CACNA1S: variants seen among roughly 807,000 people sequenced by gnomAD.
CACNA1S encodes the protein voltage-dependent L-type calcium channel subunit alpha-1S.
Under a neutral mutation model 207.4 loss-of-function variants are expected in CACNA1S, and 126 were observed. The ratio of observed to expected loss-of-function variants is 0.61; its 90% confidence interval spans 0.53 to 0.70. CACNA1S has a LOEUF of 0.70. Among genes scored for constraint, CACNA1S ranks in the 30% least tolerant of loss-of-function variants. The pLI is 0.00. For synonymous variants in CACNA1S, 960 were observed against 932.7 expected, an observed-to-expected ratio of 1.03 and a Z score of -0.53; for missense variants, 2,349 against 2,422.8, an observed-to-expected ratio of 0.97 and a Z score of 0.64.
At chr1:201,102,139 G>A (rs1305651610) in intron 2 of CACNA1S, among the ~76,000 whole-genome samples, 3 of 152,200 alleles carry the variant, frequency 2.0e-5, no homozygotes, top group Admixed American at 6.5e-5. Flanking sequence ...GCTGGATACA[G>A]CACAGGGTGG....
intron 38 of CACNA1S, among the ~76,000 whole-genome samples, 165 bp downstream of exon 38, chr1:201,046,950 A>G (rs370182175): frequency 3.9e-5 from 6 of 152,266 alleles, no homozygotes; most frequent in African/African-American, 1.2e-4. Flanking sequence ...AACATCTTCA[A>G]TCATGGACTA....
At chr1:201,105,347 C>A (rs1662838604) in intron 2 of CACNA1S, among the ~76,000 whole-genome samples, 2 of 152,186 alleles carry the variant, frequency 1.3e-5, no homozygotes, top group African/African-American at 4.8e-5. Context: ...TAAAGCACTA[C>A]AACTTAGAAG....
Position 201,091,761 on chromosome 1 carries a change from C to T in CACNA1S, c.573G>A (p.Lys191=). Residue 191 remains lysine, a synonymous_variant, in exon 5 of 44, where the codon AAG becomes AAA. Coordinates refer to ENST00000362061, the MANE Select transcript of CACNA1S (RefSeq NM_000069.3). ...CGATGTGAAAGAGGGGGAGCATGGC[C>T]TTGAAGATGGAGTTCAGGACCACCT... The part of the protein sequence containing the change: ...SLQVVLNSIF[K]AMLPLFHIAL... The T allele has an allele frequency of 6.2e-7, 1 of 1,614,118 alleles. No individual in the cohort carries two copies. The highest frequency in any genetic ancestry group is 8.5e-7 in the Non-Finnish European group (1 of 1,179,972).
intron 16 of CACNA1S, 142 bp from the exon 17 acceptor site, chr1:201,070,546 C>G (rs927058257): frequency 2.8e-6 from 3 of 1,072,458 alleles, no homozygotes; most frequent in Non-Finnish European, 4.2e-6. Flanking sequence ...AGGGCTTTGG[C>G]AGAGTCCAGC....
intron 7 of CACNA1S, 79 bp downstream of exon 7, chr1:201,087,747 C>T (rs116072955): frequency 2.1e-6 from 2 of 965,640 alleles, no homozygotes; most frequent in African/African-American, 1.6e-5. Context: ...TTTCTTTTCC[C>T]TCCGTTCCTT....
intron 9 of CACNA1S, among the ~76,000 whole-genome samples, chr1:201,084,596 T>C (rs1175592432): frequency 6.6e-6 from 1 of 152,178 alleles, no homozygotes; most frequent in East Asian, 1.9e-4. Context: ...CTGTGTACAC[T>C]TTCCCTCTTC....
intron 19 of CACNA1S, 96 bp downstream of exon 19, chr1:201,069,041 T>A (rs1661355286): frequency 9.0e-7 from 1 of 1,116,274 alleles, no homozygotes; most frequent in Admixed American, 1.7e-5. Context: ...CTCCACCTCT[T>A]TTCTGCTTCT....
chr1:201,077,998 G>C lies in CACNA1S; in HGVS notation c.1500C>G (p.Asp500Glu), dbSNP rs750591211. ...QYFMSIFNRF[D>E]CFVVCSGILE... ...GGATACCGCTACACACCACGAAGCA[G>C]TCGAAGCGGTTGAAGATAGACATGA... is the stretch of plus-strand genomic sequence containing the variant. Residue 500 changes from aspartate (D) to glutamate (E), a missense_variant, in exon 11 of 44, where the codon GAC becomes GAG. Coordinates refer to ENST00000362061, the MANE Select transcript of CACNA1S (RefSeq NM_000069.3). The C allele has an allele frequency of 2.5e-6, 4 of 1,614,188 alleles. No individual in the cohort carries two copies. The highest frequency in any genetic ancestry group is 3.4e-6 in the Non-Finnish European group (4 of 1,179,982).
Position 201,044,463 on chromosome 1 carries a change from A to G in CACNA1S, c.4669-7T>C, listed in dbSNP as rs779069688. 6.2e-7 allele frequency: 1 copy of G among 1,611,226 alleles called. No individual in the cohort carries two copies. Among genetic ancestry groups the G allele is most frequent in the Non-Finnish European group, 8.5e-7 (1 of 1,179,422 alleles). Reference sequence around the variant, plus strand: ...CAATGGTCCGCAGCCCTGCCTGGGGATGACGAAGGGACTCAGTTATCTCTC... The same window carrying G: ...CAATGGTCCGCAGCCCTGCCTGGGGGTGACGAAGGGACTCAGTTATCTCTC... On this transcript the variant is annotated splice_polypyrimidine_tract_variant and splice_region_variant and intron_variant, in intron 38 of 43. Transcript: ENST00000362061.
rs563795648 is a variant in CACNA1S, at chr1:201,051,072, G to A, written c.4025C>T (p.Ser1342Leu). 9 of 1,614,206 alleles carry A rather than the reference G, an allele frequency of 5.6e-6. No homozygotes were observed. The highest frequency in any genetic ancestry group is 3.3e-5 in the Admixed American group (2 of 60,026). Residue 1342 changes from serine (S) to leucine (L), a missense_variant, in exon 33 of 44, where the codon TCG (serine) becomes TTG (leucine). Transcript: ENST00000362061. ...CSYGKLCDPE[S>L]DYAPGEEYTC... ...GTACTCCTCCCCTGGGGCATAGTCC[G>A]ACTCTGGGTCACACAGCTTCCCATA...
chr1:201,099,945 G>C (rs1445805169), intron 2 of CACNA1S, among the ~76,000 whole-genome samples: 1 of 152,106 alleles, frequency 6.6e-6, no homozygotes, highest in Non-Finnish European at 1.5e-5. Context: ...CAGGATCTGG[G>C]AGGAGGCCCT....
Position 201,065,915 on chromosome 1 carries a change from T to A in CACNA1S, c.2776A>T (p.Ser926Cys). The A allele has an allele frequency of 6.8e-6, 11 of 1,613,866 alleles. No individual in the cohort carries two copies. The highest frequency in any genetic ancestry group is 9.3e-6 in the Non-Finnish European group (11 of 1,179,820). The change falls in exon 22 of 44, where the codon AGC becomes TGC. Residue 926 changes from serine to cysteine, a missense_variant. Transcript: ENST00000362061. ...HVVQCMFVAI[S>C]TIGNIVLVTT... is the part of the protein sequence containing the mutation. ...ACCAGCACGATGTTCCCGATGGTGC[T>A]GATGGCCACGAACATGCACTGCACC...
intron 10 of CACNA1S, among the ~76,000 whole-genome samples, chr1:201,082,276 C>A (rs1661866744): frequency 6.6e-6 from 1 of 152,164 alleles, no homozygotes; most frequent in Non-Finnish European, 1.5e-5. Flanking sequence ...ATCCACCCAC[C>A]TCAGCCTCCC....
intron 17 of CACNA1S, among the ~76,000 whole-genome samples, chr1:201,070,009 T>TC (rs1661393374): frequency 6.6e-6 from 1 of 152,160 alleles, no homozygotes; most frequent in Admixed American, 6.5e-5. Flanking sequence ...CCTTGCTCTC[T>TC]CCCCCTTGAC....
Position 201,110,216 on chromosome 1 carries a change from G to C in CACNA1S, c.206C>G (p.Ala69Gly), listed in dbSNP as rs12406479. 74,939 of 1,614,088 alleles carry C rather than the reference G, an allele frequency of 0.046. 2,004 individuals carry two copies. Among genetic ancestry groups the C allele is most frequent in the Non-Finnish European group, 0.053 (62,956 of 1,179,912 alleles). Residue 69 changes from alanine (A) to glycine (G), a missense_variant, in exon 2 of 44, where the codon GCC becomes GGC. Ala to Gly is a moderately conservative substitution (Grantham distance 60). Coordinates refer to ENST00000362061, the MANE Select transcript of CACNA1S (RefSeq NM_000069.3). ...LTIFANCVAL[A>G]VYLPMPEDDN... The stretch of plus-strand genomic sequence containing the variant: ...ATCTTCCGGCATGGGCAGGTACACG[G>C]CCAGGGCCACACAATTGGCAAAGAT...
At position 201,048,851 on chromosome 1, in the gene CACNA1S, T is replaced by C. The variant is rs148220544; in HGVS notation, c.4338+152A>G. 58 of 814,826 alleles carry C rather than the reference T, an allele frequency of 7.1e-5. No homozygotes were observed. The African/African-American group carries it at 8.8e-4, about 12-fold the overall frequency. The allele number at this position is 814,826 out of a possible 1,614,324, so 50.5% of individuals were successfully genotyped here. On this transcript the variant is annotated intron_variant, in intron 35 of 43. Coordinates refer to ENST00000362061, the MANE Select transcript of CACNA1S (RefSeq NM_000069.3). Reference sequence around the variant, plus strand: ...GGACAGAATGATGAGTTGGGTGACATTGCTGAGACTTCAGGCCCTTTGGGA... The same window carrying C: ...GGACAGAATGATGAGTTGGGTGACACTGCTGAGACTTCAGGCCCTTTGGGA...
chr1:201,047,480 T>C, intron 37 of CACNA1S, 45 bp downstream of exon 37: 1 of 1,513,250 alleles, frequency 6.6e-7, no homozygotes, highest in East Asian at 2.2e-5. Flanking sequence ...CCCACTCCCA[T>C]TCCTTGGCTG....
intron 10 of CACNA1S, among the ~76,000 whole-genome samples, chr1:201,079,553 C>T: frequency 8.1e-6 from 1 of 124,058 alleles, no homozygotes; most frequent in Non-Finnish European, 1.7e-5. Flanking sequence ...CTCCCCACCC[C>T]TACCCCTCCA....
Position 201,110,206 on chromosome 1 carries a change from C to T in CACNA1S, c.216G>A (p.Leu72=). Residue 72 remains leucine, a synonymous_variant, in exon 2 of 44, where the codon CTG becomes CTA. Coordinates refer to ENST00000362061, the MANE Select transcript of CACNA1S (RefSeq NM_000069.3). ...FANCVALAVY[L]PMPEDDNNSL... ...AGTTGTTGTCATCTTCCGGCATGGG[C>T]AGGTACACGGCCAGGGCCACACAAT... 1 of 1,614,188 alleles carries T rather than the reference C, an allele frequency of 6.2e-7. No homozygotes were observed. Among genetic ancestry groups the T allele is most frequent in the Middle Eastern group, 1.6e-4 (1 of 6,062 alleles).
Sources: allele counts gnomAD v4.1 joint callset (sites outside exome capture counted in the v4.1 genomes callset), GRCh38; gene constraint gnomAD v4.1.1; transcripts MANE v1.5; gene names NCBI Gene and HGNC (gene_info 2026-07-23, HGNC 2026-07-21).